PHYHIPL: variants seen among roughly 807,000 people sequenced by gnomAD.
PHYHIPL encodes the protein phytanoyl-CoA hydroxylase-interacting protein-like.
Under a neutral mutation model 33.4 loss-of-function variants are expected in PHYHIPL, and 9 were observed. The ratio of observed to expected loss-of-function variants is 0.27; its 90% CI spans 0.16 to 0.47. The LOEUF (loss-of-function observed/expected upper bound fraction) is 0.47, where lower values mean the gene tolerates loss of function less well. Among genes scored for constraint, PHYHIPL ranks in the 20% least tolerant of loss-of-function variants. PHYHIPL has a pLI of 0.99. For synonymous variants in PHYHIPL, 153 were observed against 154.1 expected (o/e 0.99, Z 0.05); for missense variants, 365 against 460.7 (o/e 0.79, Z 1.90).
At chr10:59,236,381 C>A in intron 2 of PHYHIPL, 102 bp from the exon 3 acceptor site, 4 of 592,160 alleles carry the variant, frequency 6.8e-6, no homozygotes, top group Admixed American at 3.9e-5. Flanking sequence ...CTCCTTCTCC[C>A]TTCCCTCCTT....
chr10:59,243,818 A>C (rs961837584), intron 4 of PHYHIPL, among the ~76,000 whole-genome samples: 1 of 152,176 alleles, frequency 6.6e-6, no homozygotes, highest in African/African-American at 2.4e-5. Context: ...GAATTTAACA[A>C]AACTACCCCT....
intron 1 of PHYHIPL, among the ~76,000 whole-genome samples, chr10:59,210,606 A>G (rs1037471137): frequency 6.6e-6 from 1 of 152,232 alleles, no homozygotes; most frequent in Non-Finnish European, 1.5e-5. Flanking sequence ...AAATCATTCT[A>G]CTATAAATAC....
chr10:59,224,964 G>A (rs1839886900), intron 1 of PHYHIPL, among the ~76,000 whole-genome samples: 1 of 151,612 alleles, frequency 6.6e-6, no homozygotes, highest in Non-Finnish European at 1.5e-5. Flanking sequence ...AACTGCATAA[G>A]AATAATCTGG....
intron 1 of PHYHIPL, among the ~76,000 whole-genome samples, chr10:59,197,701 C>A (rs1277669405): frequency 6.6e-6 from 1 of 152,138 alleles, no homozygotes; most frequent in Non-Finnish European, 1.5e-5. Flanking sequence ...CAACACTTTA[C>A]TTTTACTTAT....
At chr10:59,204,663 A>G (rs961660119) in intron 1 of PHYHIPL, among the ~76,000 whole-genome samples, 2 of 152,064 alleles carry the variant, frequency 1.3e-5, no homozygotes, top group African/African-American at 4.8e-5. Flanking sequence ...ATTGGCTGTA[A>G]TCTGAGATTT....
chr10:59,177,885 A>G (rs1490262547), intron 1 of PHYHIPL, among the ~76,000 whole-genome samples: 1 of 152,234 alleles, frequency 6.6e-6, no homozygotes, highest in Non-Finnish European at 1.5e-5. Context: ...TACATCTGAC[A>G]AAGGAAACAC....
intron 1 of PHYHIPL, among the ~76,000 whole-genome samples, chr10:59,219,982 T>C (rs1839719290): frequency 6.6e-6 from 1 of 152,112 alleles, no homozygotes; most frequent in Admixed American, 6.6e-5. Context: ...TGTTCTATAA[T>C]AGTAAAGGAG....
chr10:59,174,191 T>G (rs937570639), upstream of PHYHIPL, among the ~76,000 whole-genome samples: 10 of 151,988 alleles, frequency 6.6e-5, no homozygotes, highest in Non-Finnish European at 1.0e-4. Context: ...TCACCCTACA[T>G]CTTCAGGGTG....
rs547821661 is a variant in PHYHIPL at position 59,184,153 on chromosome 10, G to A, written c.106+7194G>A. 1.1e-4 allele frequency among the ~76,000 whole-genome samples: 17 copies of A among 152,200 alleles called. No homozygotes were observed. In the South Asian group the frequency reaches 2.3e-3, roughly 20 times the overall value. ...TATATCTGTGATGCAGAACAGGGGC[G>A]TGCATGTTATGTTCCCTGGGCAAAA... On this transcript the variant is annotated intron_variant, in intron 1 of 4. Coordinates refer to ENST00000373880, the MANE Select transcript of PHYHIPL (RefSeq NM_032439.4).
chr10:59,217,018 A>T (rs907111632), intron 1 of PHYHIPL, among the ~76,000 whole-genome samples: 2 of 152,066 alleles, frequency 1.3e-5, no homozygotes, highest in African/African-American at 4.8e-5. Context: ...TTACTTTACT[A>T]TTCTTGGAGT....
At chr10:59,210,485 A>G (rs916079650) in intron 1 of PHYHIPL, among the ~76,000 whole-genome samples, 3 of 152,346 alleles carry the variant, frequency 2.0e-5, no homozygotes, top group South Asian at 2.1e-4. Flanking sequence ...GTGGGAGTGT[A>G]AATTAGTTCA....
chr10:59,198,944 T>C (rs1228909355), intron 1 of PHYHIPL, among the ~76,000 whole-genome samples: 1 of 152,212 alleles, frequency 6.6e-6, no homozygotes, highest in Non-Finnish European at 1.5e-5. Flanking sequence ...TCTTTGTAGA[T>C]TCTAGATATT....
rs560099367 is a variant in PHYHIPL, at chr10:59,177,714, G to A, written c.106+755G>A. 6 of 1,403,254 alleles carry A rather than the reference G, an allele frequency of 4.3e-6. No individual in the cohort carries two copies. The East Asian group carries it at 1.2e-4, about 29-fold the overall frequency. The allele number at this position is 1,403,254 out of a possible 1,614,324, so 86.9% of individuals were successfully genotyped here. On this transcript the variant is annotated intron_variant, in intron 1 of 4. Coordinates refer to ENST00000373880, the MANE Select transcript of PHYHIPL (RefSeq NM_032439.4). ...AAATTGATTGAATACAGGTCTGAGC[G>A]TTGAAGACATAAGCTAGTGCTGTGT...
Position 59,245,153 on chromosome 10 carries a change from C to T in PHYHIPL, c.693C>T (p.Ser231=). 1 of 1,614,122 alleles carries T rather than the reference C, an allele frequency of 6.2e-7. No individual in the cohort carries two copies. The highest frequency in any genetic ancestry group is 8.5e-7 in the Non-Finnish European group (1 of 1,179,994). Residue 231 remains serine (S), a synonymous_variant, in exon 5 of 5, where the codon AGC becomes AGT. Coordinates refer to ENST00000373880, the MANE Select transcript of PHYHIPL (RefSeq NM_032439.4). ...GAAAATTAGAAGGCATCTTCTTCAG[C>T]TGCAGCACTGAATTCAATACTGGAA... ...ISGKLEGIFF[S]CSTEFNTGKP...
rs550267534 is a variant in PHYHIPL, at chr10:59,230,036, T to G, written c.107-4268T>G. On this transcript the variant is annotated intron_variant, in intron 1 of 4. Coordinates refer to ENST00000373880, the MANE Select transcript of PHYHIPL (RefSeq NM_032439.4). ...ATTCACCACAACAACACTGGTTTTT[T>G]TATGCATAGATTGAGGTATGTGACT... is the stretch of plus-strand genomic sequence containing the variant. 9.3e-4 allele frequency among the ~76,000 whole-genome samples: 142 copies of G among 152,278 alleles called. 1 individual carries two copies. The highest frequency in any genetic ancestry group is 1.5e-3 in the Non-Finnish European group (105 of 68,004).
At chr10:59,213,056 C>G (rs575488734) in intron 1 of PHYHIPL, among the ~76,000 whole-genome samples, 2 of 152,126 alleles carry the variant, frequency 1.3e-5, no homozygotes, top group East Asian at 1.9e-4. Flanking sequence ...AATTAATTGG[C>G]AGACATACTC....
chr10:59,198,608 T>C (rs1838994027), intron 1 of PHYHIPL, among the ~76,000 whole-genome samples: 1 of 152,216 alleles, frequency 6.6e-6, no homozygotes, highest in South Asian at 2.1e-4. Context: ...TTTCTAGTTC[T>C]AGATCCTTGA....
chr10:59,208,511 C>T (rs1292307413), intron 1 of PHYHIPL, among the ~76,000 whole-genome samples: 2 of 152,056 alleles, frequency 1.3e-5, no homozygotes, highest in Non-Finnish European at 2.9e-5. Context: ...ACCAGAACAC[C>T]TCTTCTCCTC....
upstream of PHYHIPL, among the ~76,000 whole-genome samples, chr10:59,175,986 A>T (rs959369699): frequency 3.3e-5 from 5 of 152,034 alleles, no homozygotes. Context: ...TCATTCCCTC[A>T]CCTTTCTGGC....
Sources: allele counts gnomAD v4.1 joint callset (sites outside exome capture counted in the v4.1 genomes callset), GRCh38; gene constraint gnomAD v4.1.1; transcripts MANE v1.5; gene names NCBI Gene and HGNC (gene_info 2026-07-23, HGNC 2026-07-21).